RPS6KA3: variants seen among roughly 807,000 people sequenced by gnomAD.
The protein encoded by RPS6KA3 is ribosomal protein S6 kinase alpha-3.
In RPS6KA3, 4 loss-of-function variants were observed where a neutral mutation model predicts 67.2. The observed-to-expected ratio is 0.06, with a 90% CI of 0.03 to 0.14. RPS6KA3 has a LOEUF of 0.14. Among genes scored for constraint, RPS6KA3 ranks in the 10% least tolerant of loss-of-function variants. The pLI is 1.00. For synonymous variants in RPS6KA3, 182 were observed against 183.7 expected, an observed-to-expected ratio of 0.99 and a Z score of 0.07; for missense variants, 204 against 559.0, an observed-to-expected ratio of 0.36 and a Z score of 6.40.
chrX:20,195,915 G>C (rs1164866608), intron 4 of RPS6KA3, among the ~76,000 whole-genome samples: 1 of 112,198 alleles, frequency 8.9e-6, no homozygotes. Flanking sequence ...TGGTATGTAT[G>C]AGATATTCAA....
rs1216851684 is a variant in RPS6KA3 at position 20,248,481 on chromosome X, A to AT, written c.70-13668dup. 2.9e-4 allele frequency among the ~76,000 whole-genome samples: 32 copies of AT among 109,221 alleles called. No individual in the cohort carries two copies. In the South Asian group the frequency reaches 3.1e-3, roughly 11 times the overall value. 94.8% of individuals were successfully genotyped at this position (109,221 alleles called of 115,157 possible). A position where few individuals can be genotyped will look rare whatever the true frequency, so the allele number is the denominator to read the frequency against. On this transcript the variant is annotated intron_variant, in intron 1 of 21. Coordinates refer to ENST00000379565, the MANE Select transcript of RPS6KA3 (RefSeq NM_004586.3). The stretch of plus-strand genomic sequence containing the variant: ...AGAATAGACACTTTAATGCTTTTTA[A>AT]TTTTTTTTTATTTTTTGAGACAGAG...
chrX:20,175,964 A>G (rs992709537), intron 13 of RPS6KA3, among the ~76,000 whole-genome samples: 25 of 111,316 alleles, frequency 2.2e-4, no homozygotes, highest in African/African-American at 7.5e-4. Flanking sequence ...TCCACCTCCC[A>G]GGTTCAAGCG....
rs144984628 is a variant in RPS6KA3 at position 20,155,453 on chromosome X, C to T, written c.2168G>A (p.Arg723His). The change falls in exon 22 of 22, where the codon CGC (arginine) becomes CAC (histidine). Residue 723 changes from arginine to histidine, a missense_variant. Physicochemically the swap from Arg to His is conservative, Grantham distance 29. Coordinates refer to ENST00000379565, the MANE Select transcript of RPS6KA3 (RefSeq NM_004586.3). ...ACCTCTCCGCTGAGCAAGAGTAGAG[C>T]GGCCTACTGGTTCCAAAACTGGTGA... ...NQSPVLEPVGRSTLAQRRGIK... is the reference protein window; with the variant it reads ...NQSPVLEPVGHSTLAQRRGIK... The T allele has an allele frequency of 1.3e-3, 1,550 of 1,208,024 alleles. 3 individuals carry two copies. The highest frequency in any genetic ancestry group is 1.2e-3 in the Non-Finnish European group (1,038 of 893,913).
chrX:20,186,247 C>A (rs1184030604), intron 10 of RPS6KA3, 49 bp downstream of exon 10: 3 of 878,902 alleles, frequency 3.4e-6, no homozygotes, highest in Middle Eastern at 5.6e-4. Context: ...CAGCCTGAAG[C>A]ATTTATTTTA....
At chrX:20,248,691 G>A (rs1353204864) in intron 1 of RPS6KA3, among the ~76,000 whole-genome samples, 1 of 111,379 alleles carries the variant, frequency 9.0e-6, no homozygotes, top group Non-Finnish European at 1.9e-5. Context: ...ATTTAGACAT[G>A]ATCAAATGAT....
chrX:20,158,843 C>A (rs2067245276), intron 20 of RPS6KA3, among the ~76,000 whole-genome samples: 1 of 111,653 alleles, frequency 9.0e-6, no homozygotes, highest in South Asian at 3.7e-4. Flanking sequence ...ACACTCTGCT[C>A]AGATAATCTC....
chrX:20,198,376 A>G (rs2148709321), intron 4 of RPS6KA3, among the ~76,000 whole-genome samples: 1 of 112,177 alleles, frequency 8.9e-6, no homozygotes, highest in African/African-American at 3.2e-5. Context: ...ACTCTTAAAG[A>G]AAAGATAGCA....
intron 6 of RPS6KA3, 65 bp downstream of exon 6, chrX:20,194,124 A>G (rs1053738578): frequency 1.4e-6 from 1 of 706,633 alleles, no homozygotes; most frequent in Admixed American, 2.4e-5. Flanking sequence ...ATACTGAAAC[A>G]TAACAAAGCT....
chrX:20,183,521 A>G (rs1466086914), intron 10 of RPS6KA3, among the ~76,000 whole-genome samples: 2 of 111,898 alleles, frequency 1.8e-5, no homozygotes, highest in African/African-American at 6.5e-5. Context: ...AGAAAAGGCT[A>G]TTCTTTCCCT....
intron 2 of RPS6KA3, among the ~76,000 whole-genome samples, chrX:20,223,387 C>A (rs766232931): frequency 9.0e-6 from 1 of 110,563 alleles, no homozygotes; most frequent in African/African-American, 3.3e-5. Context: ...AATCACTGAA[C>A]TTGGCATTAT....
chrX:20,266,765 GGCAGCA>G lies in RPS6KA3; in HGVS notation c.-139_-134del, dbSNP rs1260302072. On this transcript the variant is annotated 5_prime_UTR_variant, in exon 1 of 22. Transcript: ENST00000379565. ...CGGCGGCGGCAGCGGCAGCGGCAGCGGCAGCAGCAGCAGCAGCGGCGGCGGCCCCAG... is the reference window on the plus strand; with the variant it reads ...CGGCGGCGGCAGCGGCAGCGGCAGCGGCAGCAGCAGCGGCGGCGGCCCCAG... 1.0e-4 allele frequency: 9 copies of G among 89,828 alleles called. No individual in the cohort carries two copies. The highest frequency in any genetic ancestry group is 6.6e-3 in the Middle Eastern group (1 of 151). The allele number at this position is 89,828 out of a possible 1,213,427, so 7.4% of individuals were successfully genotyped here.
At chrX:20,265,201 G>C (rs1299074270) in intron 1 of RPS6KA3, among the ~76,000 whole-genome samples, 1 of 111,598 alleles carries the variant, frequency 9.0e-6, no homozygotes, top group East Asian at 2.8e-4. Context: ...TTACAACTCT[G>C]CGTGCGTTAA....
rs188737035 is a variant in RPS6KA3, at chrX:20,262,475, T to G, written c.69+4089A>C. ...AGAGAAGACAAAGTCTGCCTATATT[T>G]GCTCCTGCAATTAGATAAAAGTTTT... is the stretch of plus-strand genomic sequence containing the variant. On this transcript the variant is annotated intron_variant, in intron 1 of 21. Transcript: ENST00000379565. Among the ~76,000 whole-genome samples, 615 of 112,206 alleles carry G rather than the reference T, an allele frequency of 5.5e-3. 1 individual carries two copies. Among genetic ancestry groups the G allele is most frequent in the Middle Eastern group, 9.1e-3 (2 of 219 alleles).
chrX:20,162,656 C>T (rs148376031), intron 19 of RPS6KA3, among the ~76,000 whole-genome samples: 1,755 of 110,587 alleles, frequency 0.016, 39 homozygotes, highest in African/African-American at 0.055. Context: ...CCAGCCTGGG[C>T]AGCACAGCAA....
intron 2 of RPS6KA3, among the ~76,000 whole-genome samples, chrX:20,226,975 C>T (rs137934177): frequency 0.014 from 1,532 of 112,012 alleles, 24 homozygotes; most frequent in African/African-American, 0.039. Context: ...TTAGTTACAT[C>T]TCTTGTGTAC....
At chrX:20,246,754 T>C (rs1309825381) in intron 1 of RPS6KA3, among the ~76,000 whole-genome samples, 2 of 112,157 alleles carry the variant, frequency 1.8e-5, no homozygotes, top group African/African-American at 6.5e-5. Context: ...CTTAAACATA[T>C]ATATTCTTAC....
In RPS6KA3 at chrX:20,153,379, C is replaced by T. The variant is rs973394903; in HGVS notation, c.*2019G>A. On this transcript the variant is annotated 3_prime_UTR_variant, in exon 22 of 22. Transcript: ENST00000379565. ...GCTAAACTTACATTTGATTTCTATGCAGTAATCATTTTTGTGTCACTTGGG... is the reference window on the plus strand; with the variant it reads ...GCTAAACTTACATTTGATTTCTATGTAGTAATCATTTTTGTGTCACTTGGG... 3 of 111,667 alleles carry T rather than the reference C, an allele frequency of 2.7e-5. No homozygotes were observed. The highest frequency in any genetic ancestry group is 9.8e-5 in the African/African-American group (3 of 30,711). 9.2% of individuals were successfully genotyped at this position (111,667 alleles called of 1,213,427 possible).
intron 1 of RPS6KA3, among the ~76,000 whole-genome samples, chrX:20,244,187 A>G (rs1025238879): frequency 2.7e-5 from 3 of 111,962 alleles, no homozygotes; most frequent in African/African-American, 9.8e-5. Flanking sequence ...GAAAAGTTAT[A>G]AAAACTGACC....
At chrX:20,205,744 G>A (rs971402693) in intron 3 of RPS6KA3, among the ~76,000 whole-genome samples, 1 of 112,211 alleles carries the variant, frequency 8.9e-6, no homozygotes, top group African/African-American at 3.2e-5. Flanking sequence ...TGATTAGGTA[G>A]AGATAATTAG....
Sources: gnomAD v4.1 joint callset for allele counts (sites outside exome capture counted in the v4.1 genomes callset) on GRCh38, gnomAD v4.1.1 for gene constraint, MANE v1.5 for transcripts, NCBI Gene and HGNC (gene_info 2026-07-23, HGNC 2026-07-21) for gene names.